FBXO27: variants seen among roughly 807,000 people sequenced by gnomAD.
The protein encoded by FBXO27 is F-box only protein 27.
FBXO27 carries 28 observed loss-of-function variants against 28.3 expected under a neutral mutation model. That is an observed-to-expected ratio of 0.99 (90% CI 0.73 to 1.36). FBXO27 has a LOEUF of 1.36. FBXO27 is among the 40% of genes most tolerant of loss of function. The probability of loss-of-function intolerance (pLI) is 0.00; values close to 1 mark genes in which losing one functional copy is unlikely to be tolerated. For missense variants in FBXO27, 388 were observed against 394.1 expected (o/e 0.98, Z 0.13); for synonymous variants, 175 against 167.3 (o/e 1.05, Z -0.36).
chr19:39,020,894 A>G (rs8107781), downstream of FBXO27, among the ~76,000 whole-genome samples: 17,787 of 151,334 alleles, frequency 0.12, 1,187 homozygotes, highest in African/African-American at 0.15. Context: ...TCGCTCTGTC[A>G]CCCAGGCTGG....
rs946584789 is a variant in FBXO27 at position 39,025,190 on chromosome 19, C to A, written c.*221G>T. The stretch of plus-strand genomic sequence containing the variant: ...TCCCCTCAGTACAGTAGGGCCCCCC[C>A]GCAAAGCAGCAGCTGCAGTAGGTAG... On this transcript the variant is annotated 3_prime_UTR_variant, in exon 6 of 6. Transcript: ENST00000292853. 5 of 578,326 alleles carry A rather than the reference C, an allele frequency of 8.6e-6. No homozygotes were observed. Among genetic ancestry groups the A allele is most frequent in the Non-Finnish European group, 1.5e-5 (5 of 343,588 alleles). The allele number at this position is 578,326 out of a possible 1,614,324, so 35.8% of individuals were successfully genotyped here.
Position 39,031,902 on chromosome 19 carries a change from G to T in FBXO27, c.326C>A (p.Pro109His). 2 of 1,500,240 alleles carry T rather than the reference G, an allele frequency of 1.3e-6. No individual in the cohort carries two copies. Among genetic ancestry groups the T allele is most frequent in the Non-Finnish European group, 1.8e-6 (2 of 1,136,950 alleles). 92.9% of individuals were successfully genotyped at this position (1,500,240 alleles called of 1,614,324 possible). The stretch of plus-strand genomic sequence containing the variant: ...GTTGCGAATAAGGTTGCGTCCGATG[G>T]GTCTGCGCGCGCAGAAGCGGCCCAG... ...CPLGRFCARR[P>H]IGRNLIRNPC... Residue 109 changes from proline (P) to histidine (H), a missense_variant, in exon 2 of 6, where the codon CCC becomes CAC. Coordinates refer to ENST00000292853, the MANE Select transcript of FBXO27 (RefSeq NM_178820.5).
At chr19:39,010,219 T>C (rs2072788469) in intron 2 of FBXO27, among the ~76,000 whole-genome samples, 1 of 151,472 alleles carries the variant, frequency 6.6e-6, no homozygotes, top group African/African-American at 2.4e-5. Flanking sequence ...CATAAAGAGA[T>C]ATCCCTGTAT....
downstream of FBXO27, among the ~76,000 whole-genome samples, chr19:39,019,576 TGCCA>T (rs2072836076): frequency 6.6e-6 from 1 of 151,512 alleles, no homozygotes; most frequent in Non-Finnish European, 1.5e-5. Flanking sequence ...GAGAGTTTAA[TGCCA>T]GCAAAGGATG....
chr19:39,029,605 T>A (rs1255197677), intron 4 of FBXO27, among the ~76,000 whole-genome samples: 1 of 151,958 alleles, frequency 6.6e-6, no homozygotes, highest in Admixed American at 6.6e-5. Context: ...CATATGATAC[T>A]TCCCACACAG....
intron 2 of FBXO27, 77 bp downstream of exon 2, chr19:39,031,787 T>C: frequency 1.2e-5 from 17 of 1,363,856 alleles, no homozygotes; most frequent in Non-Finnish European, 1.6e-5. Context: ...CCGGTCCCAG[T>C]GCGGCCCCGC....
chr19:39,007,944 A>G lies in FBXO27; in HGVS notation c.252+6443T>C, dbSNP rs187060623. On this transcript the variant is annotated intron_variant, in intron 2 of 2. Coordinates refer to the FBXO27 transcript ENST00000598394. ...TGGGATTATAGGTGTGAGCCACCGCACTCTGCCTGTGTTTTGGCTATTTAA... is the reference window on the plus strand; with the variant it reads ...TGGGATTATAGGTGTGAGCCACCGCGCTCTGCCTGTGTTTTGGCTATTTAA... Among the ~76,000 whole-genome samples the G allele has an allele frequency of 2.1e-3, 324 of 151,798 alleles. 1 individual carries two copies. Among genetic ancestry groups the G allele is most frequent in the African/African-American group, 7.4e-3 (307 of 41,408 alleles).
intron 1 of FBXO27, among the ~76,000 whole-genome samples, chr19:39,018,319 T>C (rs1178878007): frequency 6.6e-6 from 1 of 152,196 alleles, no homozygotes; most frequent in Admixed American, 6.6e-5. Context: ...TGTACTACTG[T>C]AATAATTTCA....
chr19:39,031,152 G>A, intron 3 of FBXO27, 28 bp from the exon 4 acceptor site: 2 of 1,612,940 alleles, frequency 1.2e-6, no homozygotes, highest in Non-Finnish European at 1.7e-6. Flanking sequence ...AGGGTAATGA[G>A]AACAGGCAGG....
chr19:39,031,772 T>TCTCCG, intron 2 of FBXO27, 92 bp downstream of exon 2: 17 of 1,206,034 alleles, frequency 1.4e-5, no homozygotes, highest in African/African-American at 4.7e-5. Flanking sequence ...CTGCGGCCCC[T>TCTCCG]AGTACCGGTC....
intron 2 of FBXO27, 57 bp from the exon 3 acceptor site, chr19:39,031,377 G>A: frequency 6.5e-7 from 1 of 1,526,780 alleles, no homozygotes; most frequent in South Asian, 1.1e-5. Flanking sequence ...TTGGTTCCTA[G>A]TGAGACCCCG....
intron 4 of FBXO27, among the ~76,000 whole-genome samples, chr19:39,029,932 C>A (rs911246455): frequency 3.9e-5 from 6 of 152,136 alleles, no homozygotes; most frequent in African/African-American, 1.4e-4. Context: ...ACCTCCACTT[C>A]CCGGGTTCAA....
intron 1 of FBXO27, among the ~76,000 whole-genome samples, chr19:39,018,059 C>A (rs2072827952): frequency 6.6e-6 from 1 of 152,172 alleles, no homozygotes; most frequent in Non-Finnish European, 1.5e-5. Flanking sequence ...TCGCTCGCTG[C>A]AACCTCCACC....
downstream of FBXO27, among the ~76,000 whole-genome samples, chr19:39,020,885 C>T (rs142986607): frequency 7.3e-5 from 11 of 151,454 alleles, no homozygotes; most frequent in Non-Finnish European, 1.6e-4. Context: ...GATGGAGTCT[C>T]GCTCTGTCAC....
At chr19:39,006,233 C>A (rs919080523) in intron 2 of FBXO27, among the ~76,000 whole-genome samples, 1 of 151,716 alleles carries the variant, frequency 6.6e-6, no homozygotes, top group Non-Finnish European at 1.5e-5. Context: ...ACCAGCCTGG[C>A]AAACATGGTG....
At chr19:39,031,837 C>T in intron 2 of FBXO27, 27 bp downstream of exon 2, 1 of 1,462,880 alleles carries the variant, frequency 6.8e-7, no homozygotes, top group Non-Finnish European at 8.9e-7. Flanking sequence ...GGCCCAGCAT[C>T]CTGGACTTCC....
rs1600230164 is a variant in FBXO27, at chr19:39,032,466, C to A, written c.-27+37G>T. ...CCCGAATTGCATGCAATCAGCCCCC[C>A]TCGGCGGCCGCACCGACACCGCACC... On this transcript the variant is annotated intron_variant, in intron 1 of 5. Coordinates refer to ENST00000292853, the MANE Select transcript of FBXO27 (RefSeq NM_178820.5). This position sits in a 1 kb window ranked among gnomAD's most constrained non-coding sequence, Gnocchi z 4.7. The A allele has an allele frequency of 1.9e-6, 1 of 529,104 alleles. No homozygotes were observed. Among genetic ancestry groups the A allele is most frequent in the South Asian group, 3.4e-5 (1 of 29,192 alleles). 32.8% of individuals were successfully genotyped at this position (529,104 alleles called of 1,614,324 possible).
Position 39,013,776 on chromosome 19 carries a change from G to A in FBXO27, c.252+611C>T, listed in dbSNP as rs985381057. On this transcript the variant is annotated intron_variant, in intron 2 of 2. Transcript: ENST00000598394. ...CATCTGTAATCCCAGCACTTTGGGA[G>A]GCCAAGGCAGGCGGATCACGAGGTC... Among the ~76,000 whole-genome samples, 3 of 152,204 alleles carry A rather than the reference G, an allele frequency of 2.0e-5. No individual in the cohort carries two copies. The East Asian group carries it at 5.8e-4, about 30-fold the overall frequency.
rs112078513 is a variant in FBXO27 at position 39,032,375 on chromosome 19, T to G, written c.-26-122A>C. The stretch of plus-strand genomic sequence containing the variant: ...ACCATCCCTGGGCCCCGTCCCCAAG[T>G]CCCCATCCCCCAGCCCGTCCTTGAT... On this transcript the variant is annotated intron_variant, in intron 1 of 5. Transcript: ENST00000292853. The surrounding 1 kb of genome is among the most constrained non-coding windows in gnomAD (Gnocchi z 4.7). 17,077 of 1,169,930 alleles carry G rather than the reference T, an allele frequency of 0.015. 1,972 individuals carry two copies. In the African/African-American group the frequency reaches 0.25, roughly 17 times the overall value. 72.5% of individuals were successfully genotyped at this position (1,169,930 alleles called of 1,614,324 possible).
Sources: allele counts gnomAD v4.1 joint callset (sites outside exome capture counted in the v4.1 genomes callset), GRCh38; gene constraint gnomAD v4.1.1; non-coding constraint Gnocchi (gnomAD v3.1); transcripts MANE v1.5; gene names NCBI Gene and HGNC (gene_info 2026-07-23, HGNC 2026-07-21).